The following CNDP2 variants were observed in gnomAD, a reference collection of about 807,000 sequenced individuals.
CNDP2 encodes cytosolic non-specific dipeptidase.
In CNDP2, 38 loss-of-function variants were observed where a neutral mutation model predicts 55.0. That is an observed-to-expected ratio of 0.69 (90% confidence interval 0.53 to 0.90). The LOEUF is 0.90. CNDP2 is among the 40% of genes least tolerant of loss of function. The pLI, the probability that CNDP2 is intolerant of heterozygous loss-of-function variation, is 0.00. For synonymous variants in CNDP2, 241 were observed against 260.2 expected (o/e 0.93, Z 0.71); for missense variants, 607 against 621.7 (o/e 0.98, Z 0.25).
chr18:74,516,464 CTG>C (rs1202915695), intron 9 of CNDP2, 72 bp downstream of exon 9: 5 of 1,421,102 alleles, frequency 3.5e-6, no homozygotes, highest in African/African-American at 1.4e-5. Context: ...GTAATATAGG[CTG>C]TTACTCGACA....
Position 74,502,852 on chromosome 18 carries a change from A to G in CNDP2, c.204+1380A>G, listed in dbSNP as rs531405090. 6.6e-5 allele frequency among the ~76,000 whole-genome samples: 10 copies of G among 152,266 alleles called. No homozygotes were observed. In the South Asian group the frequency reaches 2.1e-3, roughly 32 times the overall value. ...GAGTGGAGGCCAGGCAGCTCTGTCC[A>G]CTGGGAGCCCACAGGAGGCTCATGC... On this transcript the variant is annotated intron_variant, in intron 3 of 11. Coordinates refer to ENST00000324262, the MANE Select transcript of CNDP2 (RefSeq NM_018235.3).
chr18:74,512,371 T>C (rs1979400551), intron 6 of CNDP2, 77 bp from the exon 7 acceptor site: 1 of 1,325,898 alleles, frequency 7.5e-7, no homozygotes, highest in Non-Finnish European at 1.1e-6. Context: ...TAAATGCTCT[T>C]TGTTGAATTT....
Position 74,518,536 on chromosome 18 carries a change from G to C in CNDP2, c.1106G>C (p.Arg369Pro). The change falls in exon 10 of 12, where the codon CGC becomes CCC. Residue 369 changes from arginine (R) to proline (P), a missense_variant. Transcript: ENST00000324262. ...SYLTKKFAEL[R>P]SPNEFKVYMG... ...CTAACTAAGAAGTTTGCTGAACTAC[G>C]CAGCCCCAATGAGTTCAAGGTGTAC... The C allele has an allele frequency of 6.2e-7, 1 of 1,614,170 alleles. No individual in the cohort carries two copies. Among genetic ancestry groups the C allele is most frequent in the Non-Finnish European group, 8.5e-7 (1 of 1,180,036 alleles).
At chr18:74,514,890 G>A (rs1979582244) in intron 8 of CNDP2, among the ~76,000 whole-genome samples, 1 of 152,246 alleles carries the variant, frequency 6.6e-6, no homozygotes. Context: ...GTCTCCCAGA[G>A]ACAGACAGGC....
chr18:74,520,550 G>A lies in CNDP2; in HGVS notation c.*482G>A, dbSNP rs1188997731. On this transcript the variant is annotated 3_prime_UTR_variant, in exon 12 of 12. Transcript: ENST00000324262. Reference sequence around the variant, plus strand: ...GTATGCCTGTAGTCCCAGCCACTCAGAAGGCTGAGGCAGGAGGATCGCTTG... The same window carrying A: ...GTATGCCTGTAGTCCCAGCCACTCAAAAGGCTGAGGCAGGAGGATCGCTTG... 6.2e-6 allele frequency: 1 copy of A among 162,148 alleles called. No individual in the cohort carries two copies. The highest frequency in any genetic ancestry group is 2.4e-5 in the African/African-American group (1 of 41,558). 10.0% of individuals were successfully genotyped at this position (162,148 alleles called of 1,614,324 possible).
At chr18:74,512,566 G>T (rs1429000104) in intron 7 of CNDP2, 34 bp downstream of exon 7, 2 of 1,585,996 alleles carry the variant, frequency 1.3e-6, no homozygotes, top group South Asian at 2.2e-5. Flanking sequence ...CCGCAGTTGA[G>T]GGGAAGTGGA....
intron 7 of CNDP2, among the ~76,000 whole-genome samples, chr18:74,512,945 G>A (rs1979438598): frequency 1.3e-5 from 2 of 152,172 alleles, no homozygotes. Flanking sequence ...AGCTCTTTGA[G>A]AGCGGGCATA....
At chr18:74,505,756 T>C (rs912418303) in intron 3 of CNDP2, 93 bp from the exon 4 acceptor site, 1 of 1,394,542 alleles carries the variant, frequency 7.2e-7, no homozygotes, top group East Asian at 2.4e-5. Flanking sequence ...TAAGGACAGA[T>C]AAGGAAGCTC....
intron 4 of CNDP2, chr18:74,507,781 T>G (rs1025416271): frequency 1.3e-5 from 2 of 152,346 alleles, no homozygotes; most frequent in East Asian, 1.9e-4. Context: ...GTGGGAAAAC[T>G]TCACTCACTG....
chr18:74,498,136 A>T (rs979127647), intron 1 of CNDP2: 1 of 152,160 alleles, frequency 6.6e-6, no homozygotes, highest in African/African-American at 2.4e-5. Context: ...AACTTAGATA[A>T]TTACAGTCAT....
intron 4 of CNDP2, chr18:74,507,753 T>G (rs1979112147): frequency 6.6e-6 from 1 of 152,376 alleles, no homozygotes; most frequent in East Asian, 1.9e-4. Context: ...TCAAGGAACC[T>G]AGAAGAGCAC....
rs1978988797 is a variant in CNDP2 at position 74,505,894 on chromosome 18, A to C, written c.250A>C (p.Arg84=). ...EIPLPPILLG[R]LGSDPQKKTV... ...CCCGCTCCCTCCTATTCTGCTCGGC[A>C]GGCTGGGCTCCGACCCACAGAAGAA... The change falls in exon 4 of 12, where the codon AGG becomes CGG. Residue 84 remains arginine, a synonymous_variant. Coordinates refer to ENST00000324262, the MANE Select transcript of CNDP2 (RefSeq NM_018235.3). 1 of 1,611,972 alleles carries C rather than the reference A, an allele frequency of 6.2e-7. No individual in the cohort carries two copies. The highest frequency in any genetic ancestry group is 8.5e-7 in the Non-Finnish European group (1 of 1,179,420).
chr18:74,506,128 ATTAC>A (rs1424115566), intron 4 of CNDP2, 117 bp downstream of exon 4: 5 of 974,676 alleles, frequency 5.1e-6, no homozygotes, highest in Non-Finnish European at 5.3e-6. Context: ...TATTTATTTT[ATTAC>A]TTTTTAAAAA....
rs1980126068 is a variant in CNDP2, at chr18:74,522,763, G to C, written c.*2695G>C. On this transcript the variant is annotated 3_prime_UTR_variant, in exon 12 of 12. Transcript: ENST00000324262. ...TGCTCATTGTAAATTACCTAGTCTT[G>C]GGCATTGTGTTACAGCAGCAAAAAG... The C allele has an allele frequency of 6.6e-6, 1 of 152,308 alleles. No individual in the cohort carries two copies. 9.4% of individuals were successfully genotyped at this position (152,308 alleles called of 1,614,324 possible). A position where few individuals can be genotyped will look rare whatever the true frequency, so the allele number is the denominator to read the frequency against.
chr18:74,503,313 C>T (rs780517591), intron 3 of CNDP2, among the ~76,000 whole-genome samples: 10 of 152,164 alleles, frequency 6.6e-5, no homozygotes, highest in Middle Eastern at 3.2e-3. Context: ...GAGATGCTTG[C>T]GGTGTGGGGT....
rs3794951 is a variant in CNDP2 at position 74,515,517 on chromosome 18, G to A, written c.904-711G>A. ...TGTTCCTCCCAGATAACACTGAGCT[G>A]TTTGGTTGACAAACAGAAATCTACA... On this transcript the variant is annotated intron_variant, in intron 8 of 11. Coordinates refer to ENST00000324262, the MANE Select transcript of CNDP2 (RefSeq NM_018235.3). 3.1e-4 allele frequency among the ~76,000 whole-genome samples: 47 copies of A among 150,942 alleles called. 1 individual carries two copies. The East Asian group carries it at 7.7e-3, about 25-fold the overall frequency.
At position 74,518,549 on chromosome 18, in the gene CNDP2, G is replaced by C. The variant is rs776776839; in HGVS notation, c.1119G>C (p.Glu373Asp). Reference protein sequence around the residue: ...KKFAELRSPNEFKVYMGHGGK... With the variant: ...KKFAELRSPNDFKVYMGHGGK... Reference sequence around the variant, plus strand: ...TTGCTGAACTACGCAGCCCCAATGAGTTCAAGGTGTACATGGGCCACGGTG... The same window carrying C: ...TTGCTGAACTACGCAGCCCCAATGACTTCAAGGTGTACATGGGCCACGGTG... Residue 373 changes from glutamate to aspartate, a missense_variant, in exon 10 of 12, where the codon GAG (glutamate) becomes GAC (aspartate). Coordinates refer to ENST00000324262, the MANE Select transcript of CNDP2 (RefSeq NM_018235.3). 6.8e-6 allele frequency: 11 copies of C among 1,614,104 alleles called. No individual in the cohort carries two copies. The African/African-American group carries it at 1.2e-4, about 18-fold the overall frequency.
chr18:74,508,092 G>C (rs1404177601), intron 4 of CNDP2: 4 of 152,312 alleles, frequency 2.6e-5, no homozygotes, highest in African/African-American at 9.6e-5. Context: ...GGGAGGTCAG[G>C]AGACTGGCCA....
intron 1 of CNDP2, 54 bp downstream of exon 1, chr18:74,496,485 G>C (rs1978420845): frequency 1.3e-5 from 2 of 152,424 alleles, no homozygotes; most frequent in African/African-American, 4.8e-5. Context: ...AGCTGGGAAC[G>C]GGCTGGGCGG....
Sources: gnomAD v4.1 joint callset for allele counts (sites outside exome capture counted in the v4.1 genomes callset) on GRCh38, gnomAD v4.1.1 for gene constraint, MANE v1.5 for transcripts, NCBI Gene and HGNC (gene_info 2026-07-23, HGNC 2026-07-21) for gene names.